Variants in FN1 observed in about 807,000 individuals in gnomAD.
FN1 encodes fibronectin 1, also known as fibronectin.
FN1 carries 106 observed loss-of-function variants against 297.3 expected under a neutral mutation model. The ratio of observed to expected loss-of-function variants is 0.36; its 90% CI spans 0.30 to 0.42. The LOEUF (loss-of-function observed/expected upper bound fraction) is 0.42. Ranked by LOEUF, FN1 falls within the 10% of genes least tolerant of loss-of-function variation. The pLI, the probability that FN1 is intolerant of heterozygous loss-of-function variation, is 1.00. For synonymous variants in FN1, 1,149 were observed against 1,152.6 expected (o/e 1.00, Z 0.06); for missense variants, 2,690 against 3,124.9 (o/e 0.86, Z 3.32).
At chr2:215,368,484 T>C (rs1381489483) in intron 41 of FN1, among the ~76,000 whole-genome samples, 1 of 152,214 alleles carries the variant, frequency 6.6e-6, no homozygotes, top group East Asian at 1.9e-4. Context: ...CTGGGGAATC[T>C]TGTGAAGATT....
chr2:215,393,485 A>C lies in FN1; in HGVS notation c.3797-282T>G, dbSNP rs147304712. On this transcript the variant is annotated intron_variant, in intron 24 of 45. Coordinates refer to ENST00000354785, the MANE Select transcript of FN1 (RefSeq NM_212482.4). ...AAACATCCTTAAAGGGTACAATTTG[A>C]ACTGTTCAGATTCCTAAAAATCATA... 359 of 159,024 alleles carry C rather than the reference A, an allele frequency of 2.3e-3. 2 individuals carry two copies. Among genetic ancestry groups the C allele is most frequent in the Admixed American group, 3.9e-3 (61 of 15,502 alleles). 9.9% of individuals were successfully genotyped at this position (159,024 alleles called of 1,614,324 possible).
chr2:215,434,607 T>C, intron 2 of FN1, 89 bp downstream of exon 2: 1 of 1,411,540 alleles, frequency 7.1e-7, no homozygotes, highest in Non-Finnish European at 1.0e-6. Flanking sequence ...AGAAAAATGG[T>C]GTATGTATTT....
intron 13 of FN1, among the ~76,000 whole-genome samples, chr2:215,410,478 G>A: frequency 6.9e-6 from 1 of 144,538 alleles, no homozygotes; most frequent in Middle Eastern, 3.5e-3. Flanking sequence ...TGCCCGGGGT[G>A]ACATAGTTGC....
chr2:215,383,035 C>G (rs1220268973), intron 31 of FN1, among the ~76,000 whole-genome samples: 1 of 149,982 alleles, frequency 6.7e-6, no homozygotes, highest in African/African-American at 2.5e-5. Context: ...TGGAGTCTCT[C>G]ACTCTGTCAC....
chr2:215,432,755 A>T (rs1213440852), intron 3 of FN1, among the ~76,000 whole-genome samples: 2 of 152,212 alleles, frequency 1.3e-5, no homozygotes, highest in Non-Finnish European at 2.9e-5. Context: ...CCGGTTCCCA[A>T]AGTTCCTTAG....
At chr2:215,399,378 T>C (rs762971420) in intron 20 of FN1, 27 bp from the exon 21 acceptor site, 1 of 1,472,990 alleles carries the variant, frequency 6.8e-7, no homozygotes. Flanking sequence ...ATGCACATAT[T>C]CAAAACTCAA....
At chr2:215,415,016 A>T (rs1394186326) in intron 12 of FN1, 58 bp from the exon 13 acceptor site, 2 of 1,353,698 alleles carry the variant, frequency 1.5e-6, no homozygotes, top group Non-Finnish European at 2.1e-6. Context: ...TCAACTTAAA[A>T]CTGTGTACAT....
At chr2:215,391,123 C>A (rs1416166361) in intron 26 of FN1, among the ~76,000 whole-genome samples, 1 of 152,116 alleles carries the variant, frequency 6.6e-6, no homozygotes, top group African/African-American at 2.4e-5. Context: ...CTAACAGATT[C>A]TTTTTGAAGT....
At chr2:215,421,526 T>C (rs1012018112) in intron 10 of FN1, among the ~76,000 whole-genome samples, 2 of 152,182 alleles carry the variant, frequency 1.3e-5, no homozygotes, top group Admixed American at 6.5e-5. Flanking sequence ...ACTAGCCACA[T>C]AGATTATTAA....
intron 26 of FN1, among the ~76,000 whole-genome samples, chr2:215,388,728 C>A (rs777449220): frequency 7.2e-5 from 11 of 152,180 alleles, no homozygotes; most frequent in Non-Finnish European, 1.5e-4. Context: ...TCTTGTCATA[C>A]AACGTACTGC....
At chr2:215,411,979 T>A (rs961826225) in intron 13 of FN1, among the ~76,000 whole-genome samples, 6 of 152,172 alleles carry the variant, frequency 3.9e-5, no homozygotes, top group African/African-American at 1.4e-4. Flanking sequence ...AAGTACATTT[T>A]ATACCACTTT....
At chr2:215,427,000 C>T (rs964231836) in intron 6 of FN1, among the ~76,000 whole-genome samples, 2 of 151,626 alleles carry the variant, frequency 1.3e-5, no homozygotes, top group South Asian at 4.2e-4. Context: ...CTCAGCCTCC[C>T]GAGTAGCTGG....
rs767979509 is a variant in FN1 at position 215,381,037 on chromosome 2, G to A, written c.5208C>T (p.Val1736=). ...PKGLAFTDVD[V]DSIKIAWESP... ...TTTCCCAAGCAATTTTGATGGAATC[G>A]ACATCCACATCAGTGAATGCCAGTC... The change falls in exon 33 of 46, where the codon GTC becomes GTT. Residue 1736 remains valine (V), a synonymous_variant. Coordinates refer to ENST00000354785, the MANE Select transcript of FN1 (RefSeq NM_212482.4). 1.7e-5 allele frequency: 28 copies of A among 1,614,156 alleles called. No homozygotes were observed. Among genetic ancestry groups the A allele is most frequent in the East Asian group, 1.6e-4 (7 of 44,880 alleles).
At chr2:215,381,819 C>T in intron 32 of FN1, 1 of 332,316 alleles carries the variant, frequency 3.0e-6, no homozygotes, top group South Asian at 2.6e-5. Context: ...TTATATTACA[C>T]TCTGGTCCAG....
rs766511675 is a variant in FN1, at chr2:215,406,505, C to T, written c.2719G>A (p.Val907Met). The change falls in exon 19 of 46, where the codon GTG becomes ATG. Residue 907 changes from valine (V) to methionine (M), a missense_variant. By Grantham distance (21) the Val-to-Met change is conservative. Coordinates refer to ENST00000354785, the MANE Select transcript of FN1 (RefSeq NM_212482.4). Reference protein sequence around the residue: ...ETTGTPRSDTVPSPRDLQFVE... With the variant: ...ETTGTPRSDTMPSPRDLQFVE... ...AACTGCAGGTCCCTGGGAGAGGGCA[C>T]TGTATCTGACAGACAAGAGTCAACT... 6.2e-7 allele frequency: 1 copy of T among 1,613,820 alleles called. No homozygotes were observed. The highest frequency in any genetic ancestry group is 8.5e-7 in the Non-Finnish European group (1 of 1,179,966).
Position 215,422,073 on chromosome 2 carries a change from G to A in FN1, c.1546+18C>T. 6.2e-7 allele frequency: 1 copy of A among 1,613,536 alleles called. No homozygotes were observed. On this transcript the variant is annotated intron_variant, in intron 10 of 45. Transcript: ENST00000354785. The stretch of plus-strand genomic sequence containing the variant: ...ACCTTTTGCCATCTCAAATATTTTT[G>A]TTAATCAGCCAGCATACCTCGAAGC...
chr2:215,397,376 A>C (rs1481372266), intron 22 of FN1, among the ~76,000 whole-genome samples, 153 bp from the exon 23 acceptor site: 1 of 134,638 alleles, frequency 7.4e-6, no homozygotes, highest in Non-Finnish European at 1.6e-5. Flanking sequence ...AATATGATGG[A>C]CAGCAGTAAT....
chr2:215,421,131 G>C (rs2064269961), intron 10 of FN1: 1 of 338,280 alleles, frequency 3.0e-6, no homozygotes, highest in Non-Finnish European at 5.7e-6. Flanking sequence ...TTCTTGCTTA[G>C]TTGATAATTT....
intron 10 of FN1, among the ~76,000 whole-genome samples, chr2:215,421,626 T>C (rs567738420): frequency 2.0e-5 from 3 of 152,222 alleles, no homozygotes; most frequent in Non-Finnish European, 4.4e-5. Context: ...CCTCATATTA[T>C]ATAGCTGGGT....
Sources: gnomAD v4.1 joint callset for allele counts (sites outside exome capture counted in the v4.1 genomes callset) on GRCh38, gnomAD v4.1.1 for gene constraint, MANE v1.5 for transcripts, NCBI Gene and HGNC (gene_info 2026-07-23, HGNC 2026-07-21) for gene names.